Variants in TTC21A observed in about 807,000 individuals in gnomAD.
The protein encoded by TTC21A is tetratricopeptide repeat protein 21A.
In TTC21A, 128 loss-of-function variants were observed where a neutral mutation model predicts 156.4. The observed-to-expected ratio is 0.82, with a 90% confidence interval of 0.71 to 0.95. The LOEUF is 0.95. TTC21A is among the 40% of genes least tolerant of loss of function. TTC21A has a pLI of 0.00. For missense variants in TTC21A, 1,435 were observed against 1,602.3 expected (o/e 0.90, Z 1.78); for synonymous variants, 587 against 617.1 (o/e 0.95, Z 0.72).
intron 19 of TTC21A, among the ~76,000 whole-genome samples, chr3:39,132,405 T>C (rs2038791102): frequency 6.6e-6 from 1 of 152,066 alleles, no homozygotes; most frequent in Admixed American, 6.6e-5. Context: ...CTCACGTTTT[T>C]CCCCCCAGGG....
rs1047327155 is a variant in TTC21A at position 39,137,283 on chromosome 3, C to T, written c.3346C>T (p.Gln1116Ter). The change falls in exon 25 of 29, where the codon CAG (glutamine) becomes TAG (stop). Residue 1116 changes from glutamine to a stop codon, truncating the protein, a stop_gained. Coordinates refer to ENST00000683103, the MANE Select transcript of TTC21A (RefSeq NM_001366900.1). LOFTEE classifies it high-confidence loss of function. The part of the protein sequence containing the change: ...REFYPHSDSS[Q>*]TQLRLLQGLC... ...GTTTTACCCACATTCAGACTCCAGC[C>T]AGACCCAGCTGCGGCTGCTGCAGGG... is the stretch of plus-strand genomic sequence containing the variant. 3 of 1,614,214 alleles carry T rather than the reference C, an allele frequency of 1.9e-6. 1 individual carries two copies. In the South Asian group the frequency reaches 3.3e-5, roughly 18 times the overall value.
intron 8 of TTC21A, 102 bp downstream of exon 8, chr3:39,120,122 C>T (rs2037637347): frequency 1.2e-6 from 1 of 803,734 alleles, no homozygotes; most frequent in South Asian, 1.6e-5. Context: ...TTACCCCTCC[C>T]TTCTGGCTCA....
Position 39,130,270 on chromosome 3 carries a change from A to G in TTC21A, c.2231A>G (p.Tyr744Cys), listed in dbSNP as rs1446428055. ...CAGCCCGAGAAGGCCCTGGAGGTCT[A>G]TGATGAGGCCTATAGACAGAACCCA... ...ILEPEKALEV[Y>C]DEAYRQNPHD... is the part of the protein sequence containing the mutation. The change falls in exon 17 of 29, where the codon TAT (tyrosine) becomes TGT (cysteine). Residue 744 changes from tyrosine to cysteine, a missense_variant. Tyr to Cys is a radical substitution (Grantham distance 194). Coordinates refer to ENST00000683103, the MANE Select transcript of TTC21A (RefSeq NM_001366900.1). The surrounding 1 kb of genome is among the most constrained non-coding windows in gnomAD (Gnocchi z 4.5). The G allele has an allele frequency of 8.7e-6, 14 of 1,613,838 alleles. No homozygotes were observed. The highest frequency in any genetic ancestry group is 4.0e-5 in the African/African-American group (3 of 74,932).
At chr3:39,136,559 G>T (rs771173120) in intron 23 of TTC21A, 52 bp downstream of exon 23, 3 of 1,590,130 alleles carry the variant, frequency 1.9e-6, no homozygotes, top group South Asian at 1.1e-5. Context: ...AAGCCCTACT[G>T]GCAGATAGGC....
Position 39,135,131 on chromosome 3 carries a change from A to G in TTC21A, c.2901A>G (p.Glu967=). 6.2e-7 allele frequency: 1 copy of G among 1,614,144 alleles called. No homozygotes were observed. Among genetic ancestry groups the G allele is most frequent in the Non-Finnish European group, 8.5e-7 (1 of 1,180,028 alleles). ...ADLMFRKQKH[E]AAINLYHQVL... ...TGATGTTTAGAAAACAGAAACATGA[A>G]GCGGCCATCAATCTTTACCACCAAG... The change falls in exon 22 of 29, where the codon GAA becomes GAG. Residue 967 remains glutamate (E), a synonymous_variant. Coordinates refer to ENST00000683103, the MANE Select transcript of TTC21A (RefSeq NM_001366900.1).
chr3:39,115,687 A>T (rs903077508), intron 6 of TTC21A, among the ~76,000 whole-genome samples: 1 of 152,002 alleles, frequency 6.6e-6, no homozygotes, highest in African/African-American at 2.4e-5. Flanking sequence ...AATAAATAAA[A>T]CAAAATAAAA....
At chr3:39,119,641 A>AAGAAAAAG (rs2037582542) in intron 7 of TTC21A, 1 of 241,078 alleles carries the variant, frequency 4.1e-6, no homozygotes, top group African/African-American at 2.4e-5. Context: ...CAAAAAAAAA[A>AAGAAAAAG]AAGAAAAAAA....
At chr3:39,111,957 C>T (rs1213067911) in intron 4 of TTC21A, among the ~76,000 whole-genome samples, 1 of 152,156 alleles carries the variant, frequency 6.6e-6, no homozygotes, top group African/African-American at 2.4e-5. Flanking sequence ...CAGCGAGGTC[C>T]ACGAGCTCAG....
rs971711137 is a variant in TTC21A, at chr3:39,138,320, C to T, written c.3729C>T (p.Ser1243=). The change falls in exon 27 of 29, where the codon TCC becomes TCT. Residue 1243 remains serine (S), a synonymous_variant. Coordinates refer to ENST00000683103, the MANE Select transcript of TTC21A (RefSeq NM_001366900.1). ...YMGFIMEKEQ[S]YKDAVTNYKL... ...GCTTCATCATGGAGAAGGAGCAGTC[C>T]TACAAGGATGCAGTCACCAACTACA... is the stretch of plus-strand genomic sequence containing the variant. 1 of 1,614,168 alleles carries T rather than the reference C, an allele frequency of 6.2e-7. No individual in the cohort carries two copies. Among genetic ancestry groups the T allele is most frequent in the Non-Finnish European group, 8.5e-7 (1 of 1,180,014 alleles).
At position 39,130,765 on chromosome 3, in the gene TTC21A, G is replaced by A. The variant is rs759373509; in HGVS notation, c.2384G>A (p.Gly795Asp). The A allele has an allele frequency of 4.3e-6, 7 of 1,614,190 alleles. No homozygotes were observed. The highest frequency in any genetic ancestry group is 5.9e-6 in the Non-Finnish European group (7 of 1,180,036). ...NGQDFLCCDL[G>D]KLLLKLKKVN... Reference sequence around the variant, plus strand: ...CAGGACTTTCTGTGCTGCGATCTGGGCAAACTGCTCCTGAAGTTAAAGAAG... The same window carrying A: ...CAGGACTTTCTGTGCTGCGATCTGGACAAACTGCTCCTGAAGTTAAAGAAG... The change falls in exon 18 of 29, where the codon GGC (glycine) becomes GAC (aspartate). Residue 795 changes from glycine to aspartate, a missense_variant. By Grantham distance (94) the Gly-to-Asp change is moderately conservative. Transcript: ENST00000683103. The surrounding 1 kb of genome is among the most constrained non-coding windows in gnomAD (Gnocchi z 4.5).
chr3:39,116,294 C>T (rs2037283958), intron 6 of TTC21A, among the ~76,000 whole-genome samples: 1 of 152,288 alleles, frequency 6.6e-6, no homozygotes, highest in South Asian at 2.1e-4. Flanking sequence ...GTTTTCACCC[C>T]TAATATATTT....
Position 39,137,594 on chromosome 3 carries a change from C to T in TTC21A, c.3559C>T (p.Leu1187=). 1.2e-6 allele frequency: 2 copies of T among 1,614,234 alleles called. No homozygotes were observed. Among genetic ancestry groups the T allele is most frequent in the South Asian group, 1.1e-5 (1 of 91,084 alleles). Residue 1187 remains leucine, a synonymous_variant, in exon 26 of 29, where the codon CTG becomes TTG. Transcript: ENST00000683103. The stretch of plus-strand genomic sequence containing the variant: ...GCGCCTGGCCAAGACCCCCTGGGTG[C>T]TGAGTGAGGCTGAGGACCTGGAGAA... The part of the protein sequence containing the change: ...LKRLAKTPWV[L]SEAEDLEKSW...
In TTC21A at chr3:39,134,070, G is replaced by C; in HGVS notation, c.2752-148G>C. The C allele has an allele frequency of 1.4e-6, 1 of 690,836 alleles. No homozygotes were observed. Among genetic ancestry groups the C allele is most frequent in the Non-Finnish European group, 2.7e-6 (1 of 376,296 alleles). The allele number at this position is 690,836 out of a possible 1,614,324, so 42.8% of individuals were successfully genotyped here. ...GGAGAACTGCATGGGAGAAGGGGAA[G>C]GCCAGGACGTTCACGTGGGGAATTC... On this transcript the variant is annotated intron_variant, in intron 20 of 28. Transcript: ENST00000683103. This position sits in a 1 kb window ranked among gnomAD's most constrained non-coding sequence, Gnocchi z 4.6.
intron 2 of TTC21A, among the ~76,000 whole-genome samples, 194 bp downstream of exon 2, chr3:39,109,408 C>T (rs1417156843): frequency 2.6e-5 from 4 of 152,196 alleles, no homozygotes; most frequent in Admixed American, 2.0e-4. Flanking sequence ...GACCTCAGAG[C>T]GCTGACTATC....
Position 39,134,363 on chromosome 3 carries a change from C to T in TTC21A, c.2862+35C>T, listed in dbSNP as rs767702143. 8 of 1,440,684 alleles carry T rather than the reference C, an allele frequency of 5.6e-6. No individual in the cohort carries two copies. Among genetic ancestry groups the T allele is most frequent in the Non-Finnish European group, 7.8e-6 (8 of 1,022,032 alleles). The allele number at this position is 1,440,684 out of a possible 1,614,324, so 89.2% of individuals were successfully genotyped here. On this transcript the variant is annotated intron_variant, in intron 21 of 28. Transcript: ENST00000683103. This position sits in a 1 kb window ranked among gnomAD's most constrained non-coding sequence, Gnocchi z 4.6. ...CCCCAGCACCCACTCCCTCCCCTCC[C>T]TTCCTCCCTTCCCAGGGTCCCTGTG...
Position 39,137,055 on chromosome 3 carries a change from G to A in TTC21A, c.3252G>A (p.Glu1084=), listed in dbSNP as rs537874986. 3 of 1,610,162 alleles carry A rather than the reference G, an allele frequency of 1.9e-6. No homozygotes were observed. The highest frequency in any genetic ancestry group is 4.5e-5 in the East Asian group (2 of 44,468). ...GGEAFENQGA[E]SNYMEKKELE... is the part of the protein sequence containing the mutation. ...AGGCTTTTGAGAACCAGGGAGCTGA[G>A]AGCAAGTAAGGGCCCATGGAGGCAG... Residue 1084 remains glutamate, a synonymous_variant, in exon 24 of 29, where the codon GAG becomes GAA. Transcript: ENST00000683103.
At chr3:39,126,221 G>A in intron 11 of TTC21A, 40 bp from the exon 12 acceptor site, 4 of 1,612,762 alleles carry the variant, frequency 2.5e-6, no homozygotes, top group Non-Finnish European at 3.4e-6. Context: ...TCTTAGAATA[G>A]GGCAAACCTA....
chr3:39,113,440 C>T (rs763958214), intron 5 of TTC21A, among the ~76,000 whole-genome samples: 10 of 152,232 alleles, frequency 6.6e-5, no homozygotes, highest in Non-Finnish European at 1.0e-4. Context: ...CGGGATGCCC[C>T]TTCAGTGAGC....
intron 19 of TTC21A, chr3:39,132,719 T>G: frequency 1.1e-5 from 4 of 378,622 alleles, no homozygotes; most frequent in South Asian, 1.0e-4. Flanking sequence ...CTGTGTGCCT[T>G]GGACACCTAC....
Sources: allele counts gnomAD v4.1 joint callset (sites outside exome capture counted in the v4.1 genomes callset), GRCh38; gene constraint gnomAD v4.1.1; non-coding constraint Gnocchi (gnomAD v3.1); transcripts MANE v1.5; gene names NCBI Gene and HGNC (gene_info 2026-07-23, HGNC 2026-07-21).